SETDB1: variants seen among roughly 807,000 people sequenced by gnomAD.
SETDB1 encodes the protein SET domain bifurcated histone lysine methyltransferase 1.
Under a neutral mutation model 137.4 loss-of-function variants are expected in SETDB1, and 31 were observed. The observed-to-expected ratio is 0.23, with a 90% CI of 0.17 to 0.30. The LOEUF (loss-of-function observed/expected upper bound fraction) is 0.30. SETDB1 is among the 10% of genes least tolerant of loss of function. SETDB1 has a pLI of 1.00. For synonymous variants in SETDB1, 548 were observed against 579.9 expected (o/e 0.95, Z 0.79); for missense variants, 1,113 against 1,631.5 (o/e 0.68, Z 5.47).
chr1:150,957,970 T>A (rs1670698460), intron 14 of SETDB1, among the ~76,000 whole-genome samples: 1 of 152,134 alleles, frequency 6.6e-6, no homozygotes, highest in South Asian at 2.1e-4. Context: ...GCGGATCACA[T>A]GAGGTCGGGA....
Position 150,958,225 on chromosome 1 carries a change from CCTTTTTTTTTTT to C in SETDB1, c.2334-943_2334-932del, listed in dbSNP as rs1381748621. On this transcript the variant is annotated intron_variant, in intron 14 of 21. Transcript: ENST00000692827. ...AGCTCCCTGAGGGTAGAAATTATGACCTTTTTTTTTTTCTTTTTTTTCTTTTTTCTTTTTTTT... is the reference window on the plus strand; with the variant it reads ...AGCTCCCTGAGGGTAGAAATTATGACCTTTTTTTTCTTTTTTCTTTTTTTT... Among the ~76,000 whole-genome samples, 794 of 142,394 alleles carry C rather than the reference CCTTTTTTTTTTT, an allele frequency of 5.6e-3. 3 individuals are homozygous for C. The highest frequency in any genetic ancestry group is 0.017 in the Middle Eastern group (5 of 286). The allele number at this position is 142,394 out of a possible 152,430, so 93.4% of individuals were successfully genotyped here.
At chr1:150,928,198 T>A in intron 2 of SETDB1, 1 of 534,552 alleles carries the variant, frequency 1.9e-6, no homozygotes, top group Non-Finnish European at 3.3e-6. Context: ...GCTGGAATTA[T>A]AGGCATCCGC....
intron 5 of SETDB1, among the ~76,000 whole-genome samples, chr1:150,942,001 G>T (rs948647467): frequency 6.6e-6 from 1 of 151,704 alleles, no homozygotes; most frequent in African/African-American, 2.4e-5. Flanking sequence ...TTAGCCAGGC[G>T]TGGTGGCGCA....
intron 14 of SETDB1, among the ~76,000 whole-genome samples, chr1:150,958,170 C>T (rs1279281340): frequency 2.2e-5 from 3 of 137,102 alleles, no homozygotes; most frequent in African/African-American, 5.5e-5. Flanking sequence ...GCAATGAGAG[C>T]GAAACTCTGT....
Position 150,963,981 on chromosome 1 carries a change from C to T in SETDB1, c.3673-14C>T, listed in dbSNP as rs759260151. 6 of 1,612,022 alleles carry T rather than the reference C, an allele frequency of 3.7e-6. No individual in the cohort carries two copies. The African/African-American group carries it at 8.0e-5, about 21-fold the overall frequency. On this transcript the variant is annotated splice_polypyrimidine_tract_variant and intron_variant, in intron 20 of 21. Coordinates refer to ENST00000692827, the MANE Select transcript of SETDB1 (RefSeq NM_001366418.1). ...TTCCCTGGTTCTTATTTGATCCTGT[C>T]CTTAAACCTACAGCACAGTTGCAGC...
chr1:150,926,509 AGACGGGAG>A lies in SETDB1; in HGVS notation c.-18_-12+1del. ...GTGAAAAAGAGCCCTTGAAGCTGGAAGACGGGAGGTGCGGGGAATACTGTTGAGTTATT... is the reference window on the plus strand; with the variant it reads ...GTGAAAAAGAGCCCTTGAAGCTGGAAGTGCGGGGAATACTGTTGAGTTATT... On this transcript the variant is annotated splice_region_variant and 5_prime_UTR_variant, in exon 1 of 22. Transcript: ENST00000692827. 1 of 327,618 alleles carries A rather than the reference AGACGGGAG, an allele frequency of 3.1e-6. No individual in the cohort carries two copies. The highest frequency in any genetic ancestry group is 2.5e-5 in the South Asian group (1 of 40,394). The allele number at this position is 327,618 out of a possible 1,614,324, so 20.3% of individuals were successfully genotyped here.
At chr1:150,936,021 C>G (rs1415410744) in intron 3 of SETDB1, among the ~76,000 whole-genome samples, 1 of 152,204 alleles carries the variant, frequency 6.6e-6, no homozygotes, top group Non-Finnish European at 1.5e-5. Context: ...GAGTCTCGCT[C>G]TGTCGCCCAG....
Position 150,956,096 on chromosome 1 carries a change from A to AAAAAT in SETDB1, c.2334-3078_2334-3077insTAAAA, listed in dbSNP as rs1404895116. Among the ~76,000 whole-genome samples, 3 of 145,878 alleles carry AAAAAT rather than the reference A, an allele frequency of 2.1e-5. 1 individual carries two copies. Among genetic ancestry groups the AAAAAT allele is most frequent in the Admixed American group, 2.1e-4 (3 of 14,588 alleles). On this transcript the variant is annotated intron_variant, in intron 14 of 21. Transcript: ENST00000692827. ...GACAGAAGGAGACTTCGTCTCAAAA[A>AAAAAT]AAAAAAAAAAGCCAAGCGCAGTGGC...
At chr1:150,930,245 G>C (rs1434957103) in intron 3 of SETDB1, 127 bp downstream of exon 3, 3 of 821,452 alleles carry the variant, frequency 3.7e-6, no homozygotes, top group South Asian at 3.6e-5. Context: ...AACTGCCTGA[G>C]TTGGCTATTA....
rs2102748201 is a variant in SETDB1, at chr1:150,960,488, A to G, written c.2504-75A>G. On this transcript the variant is annotated intron_variant, in intron 15 of 21. Coordinates refer to ENST00000692827, the MANE Select transcript of SETDB1 (RefSeq NM_001366418.1). Reference sequence around the variant, plus strand: ...CAAGACTCCATCTGGAAAAAAAAAAAAAAAAAAGCAAACAAAAAAAAAAAC... The same window carrying G: ...CAAGACTCCATCTGGAAAAAAAAAAGAAAAAAAGCAAACAAAAAAAAAAAC... 4.6e-6 allele frequency: 6 copies of G among 1,316,068 alleles called. No individual in the cohort carries two copies. The East Asian group carries it at 1.4e-4, about 31-fold the overall frequency. 81.5% of individuals were successfully genotyped at this position (1,316,068 alleles called of 1,614,324 possible). A position where few individuals can be genotyped will look rare whatever the true frequency, so the allele number is the denominator to read the frequency against.
At chr1:150,947,457 C>T (rs1043458492) in intron 10 of SETDB1, among the ~76,000 whole-genome samples, 2 of 151,946 alleles carry the variant, frequency 1.3e-5, no homozygotes, top group Admixed American at 6.6e-5. Flanking sequence ...CCACATCCAG[C>T]GTATAGTCAG....
intron 10 of SETDB1, among the ~76,000 whole-genome samples, chr1:150,948,725 G>C (rs1271532469): frequency 1.3e-5 from 2 of 151,066 alleles, no homozygotes; most frequent in Non-Finnish European, 3.0e-5. Context: ...TGTGTCCATT[G>C]CTGCTTTTTT....
At position 150,950,522 on chromosome 1, in the gene SETDB1, C is replaced by A. The variant is rs1404906960; in HGVS notation, c.1648C>A (p.Pro550Thr). ...AGCACTCCCGGCCCCTCCAGCACCC[C>A]CAGTCTTCCATGGCATGCTGGAGCG... ...PSALPAPPAPPVFHGMLERAP... is the reference protein window; with the variant it reads ...PSALPAPPAPTVFHGMLERAP... The change falls in exon 13 of 22, where the codon CCA becomes ACA. Residue 550 changes from proline (P) to threonine (T), a missense_variant. Coordinates refer to ENST00000692827, the MANE Select transcript of SETDB1 (RefSeq NM_001366418.1). The A allele has an allele frequency of 4.3e-6, 7 of 1,613,954 alleles. No homozygotes were observed. In the Admixed American group the frequency reaches 5.0e-5, roughly 12 times the overall value.
At chr1:150,935,116 CG>C (rs1263191312) in intron 3 of SETDB1, among the ~76,000 whole-genome samples, 2 of 152,204 alleles carry the variant, frequency 1.3e-5, no homozygotes, top group Non-Finnish European at 2.9e-5. Flanking sequence ...CCACTGTGCC[CG>C]GCCCTACCTG....
intron 3 of SETDB1, among the ~76,000 whole-genome samples, chr1:150,937,300 C>T (rs1433912651): frequency 6.6e-6 from 1 of 151,882 alleles, no homozygotes; most frequent in East Asian, 1.9e-4. Flanking sequence ...AGATATCTAG[C>T]ATTCAGTGGT....
rs922996157 is a variant in SETDB1, at chr1:150,941,310, C to T, written c.448-19C>T. ...TGCTACTGTTTCAAAACTTGTTTTC[C>T]TCATCCCCTTTTCTACAGCTCCGTG... On this transcript the variant is annotated intron_variant, in intron 4 of 21. Coordinates refer to ENST00000692827, the MANE Select transcript of SETDB1 (RefSeq NM_001366418.1). 1 of 1,519,722 alleles carries T rather than the reference C, an allele frequency of 6.6e-7. No homozygotes were observed. Among genetic ancestry groups the T allele is most frequent in the Non-Finnish European group, 9.1e-7 (1 of 1,096,848 alleles). 94.1% of individuals were successfully genotyped at this position (1,519,722 alleles called of 1,614,324 possible).
intron 14 of SETDB1, among the ~76,000 whole-genome samples, chr1:150,957,531 T>C (rs587623997): frequency 2.6e-5 from 4 of 152,290 alleles, no homozygotes; most frequent in South Asian, 2.1e-4. Flanking sequence ...ATTTCTTCCA[T>C]TGATTTTACA....
intron 3 of SETDB1, among the ~76,000 whole-genome samples, chr1:150,931,550 A>G (rs1210288293): frequency 2.6e-5 from 4 of 151,020 alleles, no homozygotes; most frequent in Non-Finnish European, 5.9e-5. Flanking sequence ...ACACTACTAC[A>G]TGTATACATA....
chr1:150,962,980 C>T lies in SETDB1; in HGVS notation c.3301C>T (p.Leu1101=). ...TACCCTCCTGCTTCCCCAGGATGTCCTGACACTGTCCAGCAGCACAGAAAG... is the reference window on the plus strand; with the variant it reads ...TACCCTCCTGCTTCCCCAGGATGTCTTGACACTGTCCAGCAGCACAGAAAG... ...ASAQSNPDDV[L]TLSSSTESEG... is the part of the protein sequence containing the mutation. The change falls in exon 19 of 22, where the codon CTG becomes TTG. Residue 1101 remains leucine, a synonymous_variant. Transcript: ENST00000692827. 1 of 1,613,862 alleles carries T rather than the reference C, an allele frequency of 6.2e-7. No individual in the cohort carries two copies. The highest frequency in any genetic ancestry group is 8.5e-7 in the Non-Finnish European group (1 of 1,179,836).
Sources: allele counts gnomAD v4.1 joint callset (sites outside exome capture counted in the v4.1 genomes callset), GRCh38; gene constraint gnomAD v4.1.1; transcripts MANE v1.5; gene names NCBI Gene and HGNC (gene_info 2026-07-23, HGNC 2026-07-21).